Variants in E2F4 observed in about 807,000 individuals in gnomAD.
The protein encoded by E2F4 is E2F transcription factor 4.
In E2F4, 16 loss-of-function variants were observed where a neutral mutation model predicts 44.5. That is an observed-to-expected ratio of 0.36 (90% CI 0.24 to 0.55). E2F4 has a LOEUF of 0.55. E2F4 is among the 20% of genes least tolerant of loss of function. The probability of loss-of-function intolerance (pLI) is 0.87; values close to 1 mark genes in which losing one functional copy is unlikely to be tolerated. For missense variants in E2F4, 473 were observed against 522.1 expected (o/e 0.91, Z 0.92); for synonymous variants, 242 against 207.2 (o/e 1.17, Z -1.44).
At chr16:67,197,517 T>C in intron 7 of E2F4, 82 bp from the exon 8 acceptor site, 1 of 1,418,570 alleles carries the variant, frequency 7.0e-7, no homozygotes, top group Non-Finnish European at 9.9e-7. Flanking sequence ...GGGTGGGTGG[T>C]ATAGGATCCG....
chr16:67,195,974 C>G lies in E2F4; in HGVS notation c.1001C>G (p.Ser334Cys). ...TCGTCCGGACCCAACCCTTCTACCT[C>G]CTTTGAGCCCATCAAGGCAGACCCC... ...SSSSGPNPSTSFEPIKADPTG... is the reference protein window; with the variant it reads ...SSSSGPNPSTCFEPIKADPTG... Residue 334 changes from serine to cysteine, a missense_variant, in exon 7 of 10, where the codon TCC becomes TGC. This residue lies in a region of E2F4 where 314 missense variants were observed against 315.6 expected (regional missense o/e 0.99). Transcript: ENST00000379378. 6.2e-7 allele frequency: 1 copy of G among 1,614,194 alleles called. No homozygotes were observed. Among genetic ancestry groups the G allele is most frequent in the African/African-American group, 1.3e-5 (1 of 75,054 alleles).
intron 7 of E2F4, among the ~76,000 whole-genome samples, chr16:67,196,866 A>C (rs1015611290): frequency 2.0e-5 from 3 of 151,222 alleles, no homozygotes; most frequent in Non-Finnish European, 4.4e-5. Flanking sequence ...TCTGCTGCCC[A>C]CCCCATGCCA....
At chr16:67,194,171 G>T (rs2032930740) in intron 4 of E2F4, 2 of 547,350 alleles carry the variant, frequency 3.7e-6, no homozygotes, top group East Asian at 6.1e-5. Flanking sequence ...CCTGTGGCCA[G>T]TGATCTTTCA....
At chr16:67,196,584 C>G (rs2032973331) in intron 7 of E2F4, among the ~76,000 whole-genome samples, 2 of 152,220 alleles carry the variant, frequency 1.3e-5, no homozygotes, top group Admixed American at 1.3e-4. Flanking sequence ...TTTGAGGGCT[C>G]TGTCCCATTC....
chr16:67,192,194 T>G lies in E2F4; in HGVS notation c.-34T>G. ...AAGTGGCGGCGGCGCCGGCCTGGCC[T>G]GGCCTGGCTGAGGGGAGGCGGCGGG... On this transcript the variant is annotated 5_prime_UTR_variant, in exon 1 of 10. Transcript: ENST00000379378. 1 of 1,116,344 alleles carries G rather than the reference T, an allele frequency of 9.0e-7. No individual in the cohort carries two copies. The highest frequency in any genetic ancestry group is 1.1e-6 in the Non-Finnish European group (1 of 915,456). 69.2% of individuals were successfully genotyped at this position (1,116,344 alleles called of 1,614,324 possible). A position where few individuals can be genotyped will look rare whatever the true frequency, so the allele number is the denominator to read the frequency against.
chr16:67,192,940 C>G, intron 2 of E2F4, 69 bp from the exon 3 acceptor site: 3 of 1,563,852 alleles, frequency 1.9e-6, no homozygotes, highest in South Asian at 1.2e-5. Flanking sequence ...TGGAGGGTGC[C>G]GAAGAAGGCA....
chr16:67,195,198 G>C (rs915219969), intron 6 of E2F4, among the ~76,000 whole-genome samples: 4 of 152,178 alleles, frequency 2.6e-5, no homozygotes, highest in South Asian at 2.1e-4. Flanking sequence ...GCAATGGCGC[G>C]ATCTTGGCTC....
At position 67,197,624 on chromosome 16, in the gene E2F4, A is replaced by C; in HGVS notation, c.1059A>C (p.Ser353=). The C allele has an allele frequency of 1.2e-6, 2 of 1,614,232 alleles. No individual in the cohort carries two copies. The highest frequency in any genetic ancestry group is 1.7e-6 in the Non-Finnish European group (2 of 1,180,030). The change falls in exon 8 of 10, where the codon TCA becomes TCC. Residue 353 remains serine, a synonymous_variant. Coordinates refer to ENST00000379378, the MANE Select transcript of E2F4 (RefSeq NM_001950.4). The part of the protein sequence containing the change: ...TGVLELPKEL[S]EIFDPTRECM... ...TTTTGGAACTCCCCAAAGAGCTGTC[A>C]GAAATCTTTGATCCCACACGAGGTA... is the stretch of plus-strand genomic sequence containing the variant.
At chr16:67,194,338 C>A (rs1009676626) in intron 4 of E2F4, 60 bp from the exon 5 acceptor site, 3 of 1,587,198 alleles carry the variant, frequency 1.9e-6, no homozygotes, top group Non-Finnish European at 2.6e-6. Context: ...AAGGCAGGCA[C>A]CTCTGTTCCC....
At chr16:67,195,733 C>G in intron 6 of E2F4, 49 bp from the exon 7 acceptor site, 1 of 1,607,988 alleles carries the variant, frequency 6.2e-7, no homozygotes, top group Non-Finnish European at 8.5e-7. Flanking sequence ...CCAGTTTCAA[C>G]GACCTCTTCC....
chr16:67,198,224 A>G lies in E2F4; in HGVS notation c.*101A>G. 9.5e-7 allele frequency: 1 copy of G among 1,049,018 alleles called. No individual in the cohort carries two copies. The highest frequency in any genetic ancestry group is 1.5e-6 in the Non-Finnish European group (1 of 686,824). The allele number at this position is 1,049,018 out of a possible 1,614,324, so 65.0% of individuals were successfully genotyped here. A position where few individuals can be genotyped will look rare whatever the true frequency, so the allele number is the denominator to read the frequency against. On this transcript the variant is annotated 3_prime_UTR_variant, in exon 10 of 10. Transcript: ENST00000379378. ...GACCCCTACAGAGCTTGAGAGCCAC[A>G]GACGCCTGGCTTCTCCGGCCTCCCC... is the stretch of plus-strand genomic sequence containing the variant.
intron 8 of E2F4, 106 bp from the exon 9 acceptor site, chr16:67,197,761 C>T: frequency 6.3e-7 from 1 of 1,599,178 alleles, no homozygotes. Context: ...GTAACTGGGG[C>T]AAAGGGTGAA....
At position 67,193,183 on chromosome 16, in the gene E2F4, C is replaced by T; in HGVS notation, c.407+13C>T. The T allele has an allele frequency of 4.5e-6, 7 of 1,559,818 alleles. No homozygotes were observed. The highest frequency in any genetic ancestry group is 2.4e-5 in the East Asian group (1 of 41,420). On this transcript the variant is annotated intron_variant, in intron 3 of 9. Transcript: ENST00000379378. ...TGCAGAACAGCTGATATCCTCCTGG[C>T]GGTCCCTGCTGGGGGGAGTGGGCAA... is the stretch of plus-strand genomic sequence containing the variant.
chr16:67,194,917 C>T lies in E2F4; in HGVS notation c.745C>T (p.Pro249Ser). The change falls in exon 6 of 10, where the codon CCC becomes TCC. Residue 249 changes from proline to serine, a missense_variant. Coordinates refer to ENST00000379378, the MANE Select transcript of E2F4 (RefSeq NM_001950.4). Reference sequence around the variant, plus strand: ...ACGTCCAAATAGTCCTCAGCTCACTCCCACTGCTGTCCCTGGCAGTGCAGA... The same window carrying T: ...ACGTCCAAATAGTCCTCAGCTCACTTCCACTGCTGTCCCTGGCAGTGCAGA... ...ASRPNSPQLTPTAVPGSAEVQ... is the reference protein window; with the variant it reads ...ASRPNSPQLTSTAVPGSAEVQ... 1 of 1,614,208 alleles carries T rather than the reference C, an allele frequency of 6.2e-7. No homozygotes were observed. Among genetic ancestry groups the T allele is most frequent in the Non-Finnish European group, 8.5e-7 (1 of 1,180,038 alleles).
chr16:67,195,531 C>T, intron 6 of E2F4: 1 of 701,338 alleles, frequency 1.4e-6, no homozygotes, highest in Non-Finnish European at 2.3e-6. Flanking sequence ...TCTCAATTGC[C>T]CTGGTAGCCC....
At chr16:67,195,288 T>C (rs2032949659) in intron 6 of E2F4, among the ~76,000 whole-genome samples, 2 of 152,100 alleles carry the variant, frequency 1.3e-5, no homozygotes, top group African/African-American at 4.8e-5. Flanking sequence ...GCGCCCACCA[T>C]GCGCAGCTAA....
chr16:67,198,890 C>G lies in E2F4; in HGVS notation c.*767C>G. 1.9e-6 allele frequency: 1 copy of G among 538,538 alleles called. No homozygotes were observed. The highest frequency in any genetic ancestry group is 3.3e-6 in the Non-Finnish European group (1 of 302,614). The allele number at this position is 538,538 out of a possible 1,614,324, so 33.4% of individuals were successfully genotyped here. ...GAAATTGTAATATTTGTACAGTGTTCAAGTGAATAAAAACCATGCCTAAGG... is the reference window on the plus strand; with the variant it reads ...GAAATTGTAATATTTGTACAGTGTTGAAGTGAATAAAAACCATGCCTAAGG... On this transcript the variant is annotated 3_prime_UTR_variant, in exon 10 of 10. Transcript: ENST00000379378.
At position 67,198,192 on chromosome 16, in the gene E2F4, C is replaced by T. The variant is rs766804851; in HGVS notation, c.*69C>T. On this transcript the variant is annotated 3_prime_UTR_variant, in exon 10 of 10. Coordinates refer to ENST00000379378, the MANE Select transcript of E2F4 (RefSeq NM_001950.4). ...ACCTGGGGGTTGCCTGGGGACCTCT[C>T]CCACCCGACCCCTACAGAGCTTGAG... The T allele has an allele frequency of 7.4e-7, 1 of 1,357,044 alleles. No individual in the cohort carries two copies. Among genetic ancestry groups the T allele is most frequent in the South Asian group, 1.2e-5 (1 of 85,470 alleles). The allele number at this position is 1,357,044 out of a possible 1,614,324, so 84.1% of individuals were successfully genotyped here.
chr16:67,194,691 C>T lies in E2F4; in HGVS notation c.519C>T (p.Leu173=), dbSNP rs182316876. ...CCCTTACCACCCATCTCTAGGGTCT[C>T]AATGGGCAGAAGAAGTACCAGATTC... is the stretch of plus-strand genomic sequence containing the variant. ...TSLEVPIPEG[L]NGQKKYQIHL... is the part of the protein sequence containing the mutation. Residue 173 remains leucine (L), a synonymous_variant, in exon 6 of 10, where the codon CTC becomes CTT. Transcript: ENST00000379378. 70 of 1,611,400 alleles carry T rather than the reference C, an allele frequency of 4.3e-5. No individual in the cohort carries two copies. The East Asian group carries it at 1.5e-3, about 34-fold the overall frequency.
Sources: allele counts gnomAD v4.1 joint callset (sites outside exome capture counted in the v4.1 genomes callset), GRCh38; gene constraint gnomAD v4.1.1; regional missense constraint gnomAD v4.1.1; transcripts MANE v1.5; gene names NCBI Gene and HGNC (gene_info 2026-07-23, HGNC 2026-07-21).